GLI3: variants seen among roughly 807,000 people sequenced by gnomAD.
The protein encoded by GLI3 is GLI family zinc finger 3, also known as transcription activator GLI3.
A neutral mutation model predicts 100.8 loss-of-function variants in GLI3; 20 were observed. That is an observed-to-expected ratio of 0.20 (90% CI 0.14 to 0.29). The LOEUF (loss-of-function observed/expected upper bound fraction) is 0.29. Among genes scored for constraint, GLI3 ranks in the 10% least tolerant of loss-of-function variants. The pLI is 1.00. For synonymous variants in GLI3, 938 were observed against 860.5 expected, an observed-to-expected ratio of 1.09 and a Z score of -1.58; for missense variants, 2,040 against 2,128.5, an observed-to-expected ratio of 0.96 and a Z score of 0.82.
chr7:42,239,069 A>G (rs1044645393), upstream of GLI3, among the ~76,000 whole-genome samples: 11 of 152,256 alleles, frequency 7.2e-5, no homozygotes, highest in African/African-American at 2.4e-4. Flanking sequence ...AAGTGCAGAG[A>G]CAGACTTAAG....
intron 2 of GLI3, among the ~76,000 whole-genome samples, chr7:42,192,459 A>C (rs187378848): frequency 5.3e-5 from 8 of 152,302 alleles, no homozygotes; most frequent in African/African-American, 1.4e-4. Context: ...AGGTATAGAT[A>C]AAGACAAAAG....
At chr7:41,986,179 C>A (rs566962247) in intron 10 of GLI3, among the ~76,000 whole-genome samples, 1 of 151,930 alleles carries the variant, frequency 6.6e-6, no homozygotes, top group African/African-American at 2.4e-5. Flanking sequence ...AGAATTAGGA[C>A]GAGATAAAAA....
At chr7:42,043,085 T>G (rs774133281) in intron 6 of GLI3, among the ~76,000 whole-genome samples, 8 of 152,148 alleles carry the variant, frequency 5.3e-5, no homozygotes, top group Non-Finnish European at 8.8e-5. Context: ...CCTAAATATC[T>G]GTAACAAGGG....
At chr7:42,049,772 G>A (rs993659381) in intron 4 of GLI3, among the ~76,000 whole-genome samples, 1 of 152,134 alleles carries the variant, frequency 6.6e-6, no homozygotes, top group Non-Finnish European at 1.5e-5. Flanking sequence ...ATTTGGCATG[G>A]ATAATCAGGG....
Position 41,961,111 on chromosome 7 carries a change from G to C in GLI3, c.*3219C>G, listed in dbSNP as rs981161683. The C allele has an allele frequency of 3.9e-5, 6 of 152,610 alleles. No individual in the cohort carries two copies. Among genetic ancestry groups the C allele is most frequent in the Non-Finnish European group, 7.3e-5 (5 of 68,038 alleles). The allele number at this position is 152,610 out of a possible 1,614,324, so 9.5% of individuals were successfully genotyped here. A position where few individuals can be genotyped will look rare whatever the true frequency, so the allele number is the denominator to read the frequency against. On this transcript the variant is annotated 3_prime_UTR_variant, in exon 15 of 15. Coordinates refer to ENST00000395925, the MANE Select transcript of GLI3 (RefSeq NM_000168.6). ...GATCACGGGGAATGCAGGCTTGTCC[G>C]AGGAACGCCTGGGCCAGTCACATCT...
At chr7:42,218,845 T>C (rs1423507503) in intron 2 of GLI3, among the ~76,000 whole-genome samples, 1 of 152,210 alleles carries the variant, frequency 6.6e-6, no homozygotes, top group Non-Finnish European at 1.5e-5. Context: ...CATTAGTTTC[T>C]TTTTTAAAGC....
At position 42,164,165 on chromosome 7, in the gene GLI3, C is replaced by T. The variant is rs886347743; in HGVS notation, c.125-15697G>A. Among the ~76,000 whole-genome samples the T allele has an allele frequency of 1.3e-4, 20 of 152,292 alleles. No homozygotes were observed. The East Asian group carries it at 1.9e-3, about 15-fold the overall frequency. ...ATCCTGTCCATACCCCTGCAATATA[C>T]GGACAAGCTTTGAAAGCTGGTGTTT... On this transcript the variant is annotated intron_variant, in intron 2 of 14. Transcript: ENST00000395925.
Position 42,000,627 on chromosome 7 carries a change from T to TG in GLI3, c.1498-21880_1498-21879insC, listed in dbSNP as rs1554310900. Among the ~76,000 whole-genome samples, 108 of 151,768 alleles carry TG rather than the reference T, an allele frequency of 7.1e-4. 1 individual carries two copies. The highest frequency in any genetic ancestry group is 1.3e-3 in the Admixed American group (20 of 15,254). On this transcript the variant is annotated intron_variant, in intron 10 of 14. Transcript: ENST00000395925. ...GAAATGTCTGCTTTCTGTCCCCAAATAAAAAAAGCAATGATGCCTATAAAA... is the reference window on the plus strand; with the variant it reads ...GAAATGTCTGCTTTCTGTCCCCAAATGAAAAAAAGCAATGATGCCTATAAAA...
At chr7:42,078,020 A>G (rs186919374) in intron 3 of GLI3, among the ~76,000 whole-genome samples, 234 of 152,340 alleles carry the variant, frequency 1.5e-3, no homozygotes, top group African/African-American at 5.2e-3. Context: ...AATGGCTTCC[A>G]GTTATTTCAC....
Position 41,966,140 on chromosome 7 carries a change from C to T in GLI3, c.2933G>A (p.Arg978Lys). 6.3e-7 allele frequency: 1 copy of T among 1,593,050 alleles called. No individual in the cohort carries two copies. The highest frequency in any genetic ancestry group is 1.1e-5 in the South Asian group (1 of 89,370). The change falls in exon 15 of 15, where the codon AGG becomes AAG. Residue 978 changes from arginine (R) to lysine (K), a missense_variant. Physicochemically the swap from Arg to Lys is conservative, Grantham distance 26 (BLOSUM62 2). Around this residue, in one of 5 missense-constraint regions of GLI3, gnomAD observed 1,041 missense variants for 924.0 expected, o/e 1.13. Transcript: ENST00000395925. This position sits in a 1 kb window ranked among gnomAD's most constrained non-coding sequence, Gnocchi z 5.8. ...GCCGTGGGCTCCCCCGTCGCTGCAC[C>T]TCCTCGGGGCATGAACTGGAGGCAG... is the stretch of plus-strand genomic sequence containing the variant. ...VALPPVHAPRRCSDGGAHGYG... is the reference protein window; with the variant it reads ...VALPPVHAPRKCSDGGAHGYG...
chr7:42,198,761 C>A (rs1434470822), intron 2 of GLI3, among the ~76,000 whole-genome samples: 2 of 151,820 alleles, frequency 1.3e-5, no homozygotes, highest in Non-Finnish European at 2.9e-5. Context: ...TGCATATGCA[C>A]ACACACACAT....
intron 3 of GLI3, among the ~76,000 whole-genome samples, chr7:42,086,807 C>T (rs899823488): frequency 1.2e-4 from 18 of 152,262 alleles, no homozygotes; most frequent in Non-Finnish European, 2.5e-4. Context: ...TACTTGGACC[C>T]GCATCATGTC....
intron 2 of GLI3, among the ~76,000 whole-genome samples, chr7:42,165,412 G>A (rs1787221919): frequency 6.6e-6 from 1 of 152,128 alleles, no homozygotes; most frequent in African/African-American, 2.4e-5. Flanking sequence ...GTTTTCATGG[G>A]GCTGGGAGGA....
At chr7:42,201,157 A>C (rs1272518178) in intron 2 of GLI3, among the ~76,000 whole-genome samples, 1 of 152,232 alleles carries the variant, frequency 6.6e-6, no homozygotes, top group Non-Finnish European at 1.5e-5. Flanking sequence ...TAATAATAAA[A>C]TAGAATAATT....
intron 10 of GLI3, among the ~76,000 whole-genome samples, chr7:41,998,882 A>G (rs922631161): frequency 6.6e-6 from 1 of 152,126 alleles, no homozygotes; most frequent in African/African-American, 2.4e-5. Flanking sequence ...ATTAGTTTTC[A>G]CCCCAACCTA....
At chr7:42,012,907 C>T (rs1449052537) in intron 10 of GLI3, among the ~76,000 whole-genome samples, 1 of 152,322 alleles carries the variant, frequency 6.6e-6, no homozygotes, top group East Asian at 1.9e-4. Flanking sequence ...AAGACCTCCT[C>T]TTCACAAACT....
chr7:42,091,806 A>G lies in GLI3; in HGVS notation c.368-14949T>C, dbSNP rs553448462. The stretch of plus-strand genomic sequence containing the variant: ...TCCTTAACGATTCTTCCCGGAGGTG[A>G]GTGAGGCCAAACTGTTTTCCTTCCC... On this transcript the variant is annotated intron_variant, in intron 3 of 14. Transcript: ENST00000395925. Among the ~76,000 whole-genome samples, 3 of 152,332 alleles carry G rather than the reference A, an allele frequency of 2.0e-5. No homozygotes were observed. The South Asian group carries it at 6.2e-4, about 32-fold the overall frequency.
intron 4 of GLI3, among the ~76,000 whole-genome samples, chr7:42,053,521 G>A (rs1784394108): frequency 6.6e-6 from 1 of 152,136 alleles, no homozygotes; most frequent in African/African-American, 2.4e-5. Flanking sequence ...TCATCAACTT[G>A]GCCTGGTAAA....
chr7:42,200,004 T>C (rs1028130155), intron 2 of GLI3, among the ~76,000 whole-genome samples: 2 of 152,128 alleles, frequency 1.3e-5, no homozygotes, highest in African/African-American at 4.8e-5. Context: ...TGCAGTGAAC[T>C]GAGATCATGC....
Sources: allele counts gnomAD v4.1 joint callset (sites outside exome capture counted in the v4.1 genomes callset), GRCh38; gene constraint gnomAD v4.1.1; regional missense constraint gnomAD v4.1.1; non-coding constraint Gnocchi (gnomAD v3.1); transcripts MANE v1.5; gene names NCBI Gene and HGNC (gene_info 2026-07-23, HGNC 2026-07-21).